Variants in MTA3 observed in about 807,000 individuals in gnomAD.
The protein encoded by MTA3 is metastasis-associated protein MTA3.
A neutral mutation model predicts 83.5 loss-of-function variants in MTA3; 34 were observed. That is an observed-to-expected ratio of 0.41 (90% CI 0.31 to 0.54). MTA3 has a LOEUF of 0.54. MTA3 is among the 20% of genes least tolerant of loss of function. The pLI is 0.33. For synonymous variants in MTA3, 303 were observed against 252.7 expected, an observed-to-expected ratio of 1.20 and a Z score of -1.89; for missense variants, 761 against 726.4, an observed-to-expected ratio of 1.05 and a Z score of -0.55.
intron 7 of MTA3, among the ~76,000 whole-genome samples, chr2:42,658,071 C>CAAAAAAAAAAAAAAAAAAAAAAAAAAA (rs59628946): frequency 3.9e-5 from 2 of 51,916 alleles, no homozygotes; most frequent in Admixed American, 3.1e-4. Context: ...GACTCTGTCT[C>CAAAAAAAAAAAAAAAAAAAAAAAAAAA]AAAAAAAAAA....
intron 16 of MTA3, among the ~76,000 whole-genome samples, chr2:42,739,179 C>T (rs768016691): frequency 3.3e-5 from 5 of 152,078 alleles, no homozygotes; most frequent in South Asian, 2.1e-4. Flanking sequence ...ATCCTACCAA[C>T]GTGTGATGTC....
intron 11 of MTA3, chr2:42,703,846 C>T (rs931519892): frequency 1.7e-5 from 3 of 176,892 alleles, no homozygotes; most frequent in Non-Finnish European, 2.4e-5. Flanking sequence ...GCCGAGATCG[C>T]GCCACTGCAC....
intron 16 of MTA3, among the ~76,000 whole-genome samples, chr2:42,728,355 G>A (rs1040562109): frequency 6.6e-6 from 1 of 152,156 alleles, no homozygotes; most frequent in East Asian, 1.9e-4. Context: ...GGACACTTAG[G>A]TTGCTTCCAA....
At chr2:42,706,880 T>TA (rs1355267155) in intron 12 of MTA3, among the ~76,000 whole-genome samples, 2 of 152,226 alleles carry the variant, frequency 1.3e-5, no homozygotes, top group Non-Finnish European at 2.9e-5. Context: ...ATGGAGATTT[T>TA]AAAATAAGGA....
At chr2:42,708,827 T>G (rs1666339539) in intron 13 of MTA3, 47 bp from the exon 14 acceptor site, 1 of 1,602,154 alleles carries the variant, frequency 6.2e-7, no homozygotes, top group African/African-American at 1.3e-5. Flanking sequence ...GTAACGTGTT[T>G]GGGCAAGTTC....
rs76558479 is a variant in MTA3 at position 42,708,902 on chromosome 2, G to A, written c.1331G>A (p.Arg444His). The A allele has an allele frequency of 1.1e-4, 176 of 1,613,830 alleles. 1 individual carries two copies. The East Asian group carries it at 3.7e-3, about 34-fold the overall frequency. Residue 444 changes from arginine (R) to histidine (H), a missense_variant, in exon 14 of 17, where the codon CGC becomes CAC. Coordinates refer to ENST00000405094, the MANE Select transcript of MTA3 (RefSeq NM_001330442.2). ...CCTCGTGTTAGAAGTCACGTGTCCC[G>A]CCAGGCCATGCAGGGAATGCCAGTC... The part of the protein sequence containing the change: ...EDPRVRSHVS[R>H]QAMQGMPVRN...
chr2:42,729,112 T>TTTTTTTTTAAAATA, intron 16 of MTA3, among the ~76,000 whole-genome samples: 1 of 142,480 alleles, frequency 7.0e-6, no homozygotes, highest in African/African-American at 2.7e-5. Context: ...TTTTTTTTTT[T>TTTTTTTTTAAAATA]TCACAGAGTC....
At chr2:42,753,155 C>G (rs1263439062) in intron 16 of MTA3, among the ~76,000 whole-genome samples, 1 of 152,096 alleles carries the variant, frequency 6.6e-6, no homozygotes, top group African/African-American at 2.4e-5. Flanking sequence ...TCTTGAACTT[C>G]TGGCCTCAAG....
exon 1 of MTA3, chr2:42,494,859 G>C (rs1674056918): frequency 6.6e-6 from 1 of 152,336 alleles, no homozygotes; most frequent in Non-Finnish European, 1.5e-5. Flanking sequence ...GAAGAGCCCC[G>C]TGAAGGCTCC....
chr2:42,623,443 G>T (rs1308740692), intron 4 of MTA3, among the ~76,000 whole-genome samples: 1 of 152,134 alleles, frequency 6.6e-6, no homozygotes, highest in Non-Finnish European at 1.5e-5. Context: ...CTTATGTCAC[G>T]CCGCTGTCTT....
intron 2 of MTA3, among the ~76,000 whole-genome samples, chr2:42,551,680 G>T (rs538510504): frequency 6.6e-6 from 1 of 152,104 alleles, no homozygotes; most frequent in Non-Finnish European, 1.5e-5. Context: ...GAGTGCTGGG[G>T]AGTTGAGCAG....
intron 2 of MTA3, among the ~76,000 whole-genome samples, chr2:42,578,184 C>G (rs1292685866): frequency 6.6e-6 from 1 of 152,130 alleles, no homozygotes; most frequent in East Asian, 1.9e-4. Flanking sequence ...AATTTGTTCT[C>G]ACACTTGTTT....
chr2:42,606,343 C>G (rs1273852417), intron 3 of MTA3, among the ~76,000 whole-genome samples: 13 of 137,562 alleles, frequency 9.5e-5, no homozygotes, highest in Admixed American at 8.0e-4. Context: ...ACCTCTCAGA[C>G]GGGGCAGCTG....
At chr2:42,738,637 T>TA (rs1668781899) in intron 16 of MTA3, among the ~76,000 whole-genome samples, 1 of 152,246 alleles carries the variant, frequency 6.6e-6, no homozygotes, top group African/African-American at 2.4e-5. Context: ...GTAAGAGAGA[T>TA]AACCTTAAAC....
At chr2:42,735,465 T>C (rs1243823462) in intron 16 of MTA3, among the ~76,000 whole-genome samples, 2 of 152,204 alleles carry the variant, frequency 1.3e-5, no homozygotes, top group African/African-American at 4.8e-5. Context: ...TAAATGTGCT[T>C]GATATCCTAT....
intron 2 of MTA3, among the ~76,000 whole-genome samples, chr2:42,500,429 G>A (rs1219040499): frequency 2.0e-5 from 3 of 151,924 alleles, no homozygotes; most frequent in Admixed American, 6.6e-5. Context: ...GTGGTGGCAC[G>A]TGCCTGTAGT....
At chr2:42,547,093 C>T (rs1183301153) in intron 2 of MTA3, among the ~76,000 whole-genome samples, 1 of 152,114 alleles carries the variant, frequency 6.6e-6, no homozygotes, top group African/African-American at 2.4e-5. Flanking sequence ...AATACAGATT[C>T]CCTGGCCCCT....
chr2:42,749,450 T>A (rs760961416), intron 16 of MTA3, among the ~76,000 whole-genome samples: 2 of 152,208 alleles, frequency 1.3e-5, no homozygotes, highest in Non-Finnish European at 2.9e-5. Context: ...TTCAAACAGT[T>A]GTTCTTTTTT....
At chr2:42,562,806 C>T (rs1677732072) in intron 2 of MTA3, among the ~76,000 whole-genome samples, 1 of 152,168 alleles carries the variant, frequency 6.6e-6, no homozygotes, top group African/African-American at 2.4e-5. Context: ...AAACACCAGG[C>T]CTTTTCATCC....
Sources: allele counts gnomAD v4.1 joint callset (sites outside exome capture counted in the v4.1 genomes callset), GRCh38; gene constraint gnomAD v4.1.1; transcripts MANE v1.5; gene names NCBI Gene and HGNC (gene_info 2026-07-23, HGNC 2026-07-21).